SFMBT1: variants seen among roughly 807,000 people sequenced by gnomAD.
SFMBT1 encodes Scm like with four mbt domains 1.
SFMBT1 carries 32 observed loss-of-function variants against 108.7 expected under a neutral mutation model. The ratio of observed to expected loss-of-function variants is 0.29; its 90% CI spans 0.22 to 0.40. The LOEUF is 0.40. Among genes scored for constraint, SFMBT1 ranks in the 10% least tolerant of loss-of-function variants. SFMBT1 has a pLI of 1.00. For synonymous variants in SFMBT1, 348 were observed against 369.5 expected (o/e 0.94, Z 0.67); for missense variants, 816 against 1,059.6 (o/e 0.77, Z 3.19).
chr3:52,919,277 T>C (rs1702448686), intron 12 of SFMBT1, among the ~76,000 whole-genome samples: 1 of 148,722 alleles, frequency 6.7e-6, no homozygotes, highest in Admixed American at 7.0e-5. Flanking sequence ...ACAATTCAAA[T>C]GTCCATCAAC....
chr3:52,957,071 AC>A (rs1350672640), intron 2 of SFMBT1, among the ~76,000 whole-genome samples: 1 of 151,982 alleles, frequency 6.6e-6, no homozygotes, highest in Non-Finnish European at 1.5e-5. Flanking sequence ...TATCTAGAAA[AC>A]CCCATCGCTT....
In SFMBT1 at chr3:52,926,069, A is replaced by G. The variant is rs1702649083; in HGVS notation, c.1093T>C (p.Cys365Arg). ...CTCTGGGGAGCAGCTTCAGCACCAC[A>G]CTGTTTGAGGTAGTCAGCCCAGTCA... The part of the protein sequence containing the change: ...DFDWADYLKQ[C>R]GAEAAPQRCF... The change falls in exon 10 of 21, where the codon TGT becomes CGT. Residue 365 changes from cysteine (C) to arginine (R), a missense_variant. By Grantham distance (180) the Cys-to-Arg change is radical. Coordinates refer to ENST00000394752, the MANE Select transcript of SFMBT1 (RefSeq NM_016329.4). 6.2e-7 allele frequency: 1 copy of G among 1,602,438 alleles called. No individual in the cohort carries two copies. Among genetic ancestry groups the G allele is most frequent in the East Asian group, 2.3e-5 (1 of 43,700 alleles).
intron 1 of SFMBT1, among the ~76,000 whole-genome samples, chr3:52,975,484 T>C (rs1233889153): frequency 1.3e-5 from 2 of 151,710 alleles, no homozygotes; most frequent in Admixed American, 6.6e-5. Flanking sequence ...AGCCCAGGAG[T>C]TGCAGACCAG....
intron 2 of SFMBT1, among the ~76,000 whole-genome samples, chr3:52,958,350 G>C (rs1187936511): frequency 6.6e-6 from 1 of 152,218 alleles, no homozygotes; most frequent in Non-Finnish European, 1.5e-5. Flanking sequence ...CAGCACTTTG[G>C]GAGGCCGCGG....
intron 2 of SFMBT1, among the ~76,000 whole-genome samples, chr3:52,968,502 G>T (rs1457229596): frequency 6.6e-6 from 1 of 151,928 alleles, no homozygotes; most frequent in Non-Finnish European, 1.5e-5. Flanking sequence ...TACTATCTTT[G>T]CAAACTCCTG....
chr3:52,923,761 C>A (rs2106783707), intron 10 of SFMBT1, among the ~76,000 whole-genome samples: 1 of 151,674 alleles, frequency 6.6e-6, no homozygotes, highest in South Asian at 2.1e-4. Context: ...TCCAGAGGGC[C>A]ACAACCAAAT....
At chr3:52,996,997 A>G (rs902002150) in intron 1 of SFMBT1, among the ~76,000 whole-genome samples, 2 of 149,626 alleles carry the variant, frequency 1.3e-5, no homozygotes, top group African/African-American at 4.9e-5. Flanking sequence ...TGAACCTGGG[A>G]GGCGGAGCCT....
chr3:53,001,588 A>AGACGAACCACACT (rs11275169), intron 1 of SFMBT1, among the ~76,000 whole-genome samples: 1 of 148,064 alleles, frequency 6.8e-6, no homozygotes, highest in Non-Finnish European at 1.5e-5. Context: ...CATTTCTAAT[A>AGACGAACCACACT]GCTCTAGCTA....
intron 9 of SFMBT1, among the ~76,000 whole-genome samples, chr3:52,926,521 G>GT (rs751593625): frequency 7.0e-4 from 107 of 152,320 alleles, no homozygotes; most frequent in Non-Finnish European, 1.2e-3. Flanking sequence ...ACAGCAAATA[G>GT]TATTAGTTAA....
chr3:53,045,615 C>T (rs1380289970), intron 1 of SFMBT1, among the ~76,000 whole-genome samples: 4 of 139,442 alleles, frequency 2.9e-5, no homozygotes, highest in African/African-American at 1.0e-4. Context: ...GCTCCCCCCG[C>T]CCCGCCCCCG....
chr3:52,955,821 G>A (rs541163978), intron 2 of SFMBT1, among the ~76,000 whole-genome samples: 82 of 152,266 alleles, frequency 5.4e-4, no homozygotes, highest in Non-Finnish European at 9.4e-4. Flanking sequence ...CCAAAAAACT[G>A]AAAATGAGGC....
intron 1 of SFMBT1, among the ~76,000 whole-genome samples, chr3:52,971,737 G>A (rs772673222): frequency 6.6e-6 from 1 of 152,030 alleles, no homozygotes; most frequent in Admixed American, 6.6e-5. Context: ...AGAATATAAA[G>A]GCAGGTCTAA....
chr3:52,971,118 G>T (rs2106862459), intron 1 of SFMBT1, among the ~76,000 whole-genome samples: 1 of 152,046 alleles, frequency 6.6e-6, no homozygotes, highest in South Asian at 2.1e-4. Flanking sequence ...TCCAGCCTGG[G>T]CAATGAGAGT....
At chr3:52,937,167 G>A (rs1235465180) in intron 4 of SFMBT1, among the ~76,000 whole-genome samples, 1 of 151,908 alleles carries the variant, frequency 6.6e-6, no homozygotes, top group Non-Finnish European at 1.5e-5. Context: ...ATTTGCTTTT[G>A]CCTACCATAT....
chr3:53,036,522 A>G (rs1383169177), intron 1 of SFMBT1, among the ~76,000 whole-genome samples: 1 of 152,260 alleles, frequency 6.6e-6, no homozygotes, highest in Non-Finnish European at 1.5e-5. Flanking sequence ...CTGGGCAAAC[A>G]GGCCCACTAG....
rs1284670069 is a variant in SFMBT1, at chr3:52,954,374, C to G, written c.66G>C (p.Trp22Cys). Residue 22 changes from tryptophan (W) to cysteine (C), a missense_variant, in exon 3 of 21, where the codon TGG becomes TGC. Physicochemically the swap from Trp to Cys is radical, Grantham distance 215. Coordinates refer to ENST00000394752, the MANE Select transcript of SFMBT1 (RefSeq NM_016329.4). Reference protein sequence around the residue: ...GSGMEEVELSWEDYLEETGST... With the variant: ...GSGMEEVELSCEDYLEETGST... ...ACCCTGTTTCTTCTAGATAATCTTC[C>G]CAGCTTAATTCTACCTCTTCCATAC... 6.2e-7 allele frequency: 1 copy of G among 1,613,712 alleles called. No individual in the cohort carries two copies. The highest frequency in any genetic ancestry group is 1.3e-5 in the African/African-American group (1 of 74,872).
chr3:52,934,776 G>T, intron 5 of SFMBT1, 37 bp downstream of exon 5: 1 of 1,528,666 alleles, frequency 6.5e-7, no homozygotes, highest in Non-Finnish European at 9.0e-7. Context: ...AGATCAGATG[G>T]GTTTTCCATG....
At chr3:52,921,954 ATTGTT>A in intron 10 of SFMBT1, 123 bp from the exon 11 acceptor site, 1 of 1,013,684 alleles carries the variant, frequency 9.9e-7, no homozygotes, top group East Asian at 2.5e-5. Flanking sequence ...TTTATTTTGC[ATTGTT>A]TTGCTTTTTA....
intron 1 of SFMBT1, among the ~76,000 whole-genome samples, chr3:53,012,779 T>C (rs979568054): frequency 6.6e-6 from 1 of 151,656 alleles, no homozygotes; most frequent in African/African-American, 2.4e-5. Context: ...GGTTAGGGCC[T>C]ACATATCATA....
Sources: gnomAD v4.1 joint callset for allele counts (sites outside exome capture counted in the v4.1 genomes callset) on GRCh38, gnomAD v4.1.1 for gene constraint, MANE v1.5 for transcripts, NCBI Gene and HGNC (gene_info 2026-07-23, HGNC 2026-07-21) for gene names.